The following TMEM217 variants were observed in gnomAD, a reference collection of about 807,000 sequenced individuals.
TMEM217 encodes transmembrane protein 217.
For missense variants in TMEM217, 204 were observed against 248.8 expected (o/e 0.82, Z 1.21); for synonymous variants, 76 against 88.3 (o/e 0.86, Z 0.78).
At chr6:37,217,914 C>T in exon 2 of TMEM217, 4 of 986,020 alleles carry the variant, frequency 4.1e-6, no homozygotes, top group Non-Finnish European at 4.8e-6. Context: ...GGTGAGTTCA[C>T]AGAAGTTTTG....
At chr6:37,220,086 G>A (rs2113816683) in intron 1 of TMEM217, among the ~76,000 whole-genome samples, 1 of 152,278 alleles carries the variant, frequency 6.6e-6, no homozygotes, top group East Asian at 1.9e-4. Flanking sequence ...CTATACAAAA[G>A]TAGGAGGAAG....
intron 1 of TMEM217, among the ~76,000 whole-genome samples, chr6:37,247,448 C>T (rs262923): frequency 0.83 from 123,860 of 149,812 alleles, 51,757 homozygotes; most frequent in South Asian, 0.91. Context: ...AGTGCGGTGA[C>T]GCGACCTCAG....
intron 1 of TMEM217, among the ~76,000 whole-genome samples, chr6:37,240,177 C>A (rs547321056): frequency 1.3e-5 from 2 of 152,218 alleles, no homozygotes; most frequent in East Asian, 1.9e-4. Context: ...AAACCTTAGA[C>A]ACTTATGATA....
intron 1 of TMEM217, among the ~76,000 whole-genome samples, chr6:37,226,460 T>A (rs1763846121): frequency 6.8e-6 from 1 of 146,064 alleles, no homozygotes; most frequent in African/African-American, 2.5e-5. Flanking sequence ...GCCCAGCTAA[T>A]TTTTTTTTTT....
rs948655525 is a variant in TMEM217 at position 37,252,533 on chromosome 6, T to C, written c.-12+5035A>G. Among the ~76,000 whole-genome samples the C allele has an allele frequency of 2.6e-5, 4 of 151,628 alleles. No homozygotes were observed. In the East Asian group the frequency reaches 7.7e-4, roughly 29 times the overall value. ...ATGCACACACACATGCATATATATG[T>C]CAACATGTATATGTTGTGAGGGGTG... On this transcript the variant is annotated intron_variant, in intron 1 of 1. Transcript: ENST00000357219.
chr6:37,252,633 ATATATTTTTTTT>A (rs1765493378), intron 1 of TMEM217, among the ~76,000 whole-genome samples: 17 of 75,262 alleles, frequency 2.3e-4, no homozygotes, highest in Admixed American at 4.7e-4. Flanking sequence ...ATATATATAT[ATATATTTTTTTT>A]TTTTTTTTTT....
intron 1 of TMEM217, among the ~76,000 whole-genome samples, chr6:37,223,023 A>G (rs1322516103): frequency 6.6e-6 from 1 of 152,262 alleles, no homozygotes; most frequent in African/African-American, 2.4e-5. Flanking sequence ...GGTTGGACAC[A>G]GATTAAGGAA....
chr6:37,257,864 A>C lies in TMEM217; in HGVS notation c.-308T>G. On this transcript the variant is annotated 5_prime_UTR_variant, in exon 1 of 2. It removes an upstream start codon present in the reference 5' UTR. Transcript: ENST00000357219. ...CCCTCAGATTGCGGGGTCTGGGGGC[A>C]TCTCGCCGGGCAAACCCTTGGCCCG... 7.5e-6 allele frequency: 12 copies of C among 1,590,822 alleles called. No homozygotes were observed. Among genetic ancestry groups the C allele is most frequent in the Non-Finnish European group, 1.0e-5 (12 of 1,167,876 alleles).
intron 1 of TMEM217, among the ~76,000 whole-genome samples, chr6:37,236,880 C>T (rs1764536139): frequency 2.0e-5 from 3 of 152,172 alleles, no homozygotes; most frequent in Non-Finnish European, 4.4e-5. Context: ...AGAAGACTCA[C>T]TCAGATGCCT....
downstream of TMEM217, among the ~76,000 whole-genome samples, chr6:37,215,035 C>T (rs1763108409): frequency 6.6e-6 from 1 of 152,190 alleles, no homozygotes. Flanking sequence ...TTGTGAGTTT[C>T]AAGGAAATGT....
intron 1 of TMEM217, among the ~76,000 whole-genome samples, chr6:37,220,922 A>G (rs886700880): frequency 1.3e-5 from 2 of 152,062 alleles, no homozygotes; most frequent in Non-Finnish European, 2.9e-5. Context: ...AGTATAATTC[A>G]TGCATATATA....
At chr6:37,234,790 A>C (rs1323914852) in intron 1 of TMEM217, among the ~76,000 whole-genome samples, 1 of 152,182 alleles carries the variant, frequency 6.6e-6, no homozygotes, top group African/African-American at 2.4e-5. Context: ...TGAGATAAAG[A>C]GATAAATAGG....
downstream of TMEM217, among the ~76,000 whole-genome samples, chr6:37,214,134 A>G (rs1345604790): frequency 2.6e-5 from 4 of 152,182 alleles, no homozygotes; most frequent in Non-Finnish European, 4.4e-5. Flanking sequence ...AAAATTCACC[A>G]CTTTAGCCCT....
At chr6:37,223,999 C>T (rs1242075176) in intron 1 of TMEM217, among the ~76,000 whole-genome samples, 3 of 148,632 alleles carry the variant, frequency 2.0e-5, no homozygotes, top group South Asian at 2.2e-4. Flanking sequence ...TGCAGTGGCA[C>T]GATCTCAGCT....
intron 1 of TMEM217, among the ~76,000 whole-genome samples, chr6:37,242,201 C>T (rs1473996335): frequency 1.3e-5 from 2 of 152,118 alleles, no homozygotes; most frequent in African/African-American, 4.8e-5. Context: ...TGGCTTAGAG[C>T]TCAGTCCCCA....
At chr6:37,215,072 C>A, downstream of TMEM217, 1 of 1,271,874 alleles carries the variant, frequency 7.9e-7, no homozygotes, top group African/African-American at 1.5e-5. Context: ...GGTTCCACAG[C>A]TCTGCTGCCC....
Position 37,257,831 on chromosome 6 carries a change from TG to T in TMEM217, c.-276del. The T allele has an allele frequency of 4.7e-6, 7 of 1,478,276 alleles. No homozygotes were observed. In the South Asian group the frequency reaches 8.6e-5, roughly 18 times the overall value. 91.6% of individuals were successfully genotyped at this position (1,478,276 alleles called of 1,614,324 possible). ...GGTGACCGGCGGCGGGGAAGCGGCC[TG>T]GGTTGGCCCTCAGATTGCGGGGTCT... On this transcript the variant is annotated 5_prime_UTR_variant, in exon 1 of 2. Transcript: ENST00000357219.
exon 2 of TMEM217, chr6:37,218,804 A>G (rs747592745): frequency 1.2e-6 from 2 of 1,614,064 alleles, no homozygotes; most frequent in African/African-American, 2.7e-5. Context: ...GCTGATGAGG[A>G]TGGTGATGAA....
In TMEM217 at chr6:37,220,824, C is replaced by T. The variant is rs1763466806; in HGVS notation, c.-11-1783G>A. Among the ~76,000 whole-genome samples, 3 of 152,058 alleles carry T rather than the reference C, an allele frequency of 2.0e-5. No homozygotes were observed. In the South Asian group the frequency reaches 6.2e-4, roughly 32 times the overall value. ...GAGAACAAGCTGAAACAACAGATAG[C>T]AATGGAACTGCAGTAATATCTGATC... is the stretch of plus-strand genomic sequence containing the variant. On this transcript the variant is annotated intron_variant, in intron 1 of 1. Transcript: ENST00000357219.
Sources: allele counts gnomAD v4.1 joint callset (sites outside exome capture counted in the v4.1 genomes callset), GRCh38; gene constraint gnomAD v4.1.1; transcripts MANE v1.5; gene names NCBI Gene and HGNC (gene_info 2026-07-23, HGNC 2026-07-21).